Variants in RAPGEF5 observed in about 807,000 individuals in gnomAD.
The protein encoded by RAPGEF5 is M-Ras-regulated GEF.
A neutral mutation model predicts 125.2 loss-of-function variants in RAPGEF5; 65 were observed. The observed-to-expected ratio is 0.52, with a 90% CI of 0.43 to 0.64. The LOEUF is 0.64. Among genes scored for constraint, RAPGEF5 ranks in the 30% least tolerant of loss-of-function variants. RAPGEF5 has a pLI of 0.00. For missense variants in RAPGEF5, 958 were observed against 1,048.1 expected, an observed-to-expected ratio of 0.91 and a Z score of 1.19; for synonymous variants, 391 against 385.9, an observed-to-expected ratio of 1.01 and a Z score of -0.16.
At chr7:22,351,712 T>A (rs1464345386) in intron 1 of RAPGEF5, among the ~76,000 whole-genome samples, 1 of 152,212 alleles carries the variant, frequency 6.6e-6, no homozygotes, top group Admixed American at 6.5e-5. Flanking sequence ...ACACAAAGAA[T>A]AAATGACATG....
chr7:22,203,748 T>G (rs1451463497), intron 9 of RAPGEF5, among the ~76,000 whole-genome samples: 1 of 152,178 alleles, frequency 6.6e-6, no homozygotes, highest in Non-Finnish European at 1.5e-5. Context: ...ACCTGCATGC[T>G]GTGGACCAGG....
In RAPGEF5 at chr7:22,118,617, A is replaced by G. The variant is rs1782473991; in HGVS notation, c.*3789T>C. ...AAAACTACCAAGTGTAGTCCCTGAG[A>G]AGTTAGGTAGACACCCTGATGGCGG... On this transcript the variant is annotated 3_prime_UTR_variant, in exon 26 of 26. Transcript: ENST00000665637. The G allele has an allele frequency of 6.6e-6, 1 of 152,558 alleles. No individual in the cohort carries two copies. Among genetic ancestry groups the G allele is most frequent in the Admixed American group, 6.5e-5 (1 of 15,272 alleles). The allele number at this position is 152,558 out of a possible 1,614,324, so 9.5% of individuals were successfully genotyped here. A position where few individuals can be genotyped will look rare whatever the true frequency, so the allele number is the denominator to read the frequency against.
Position 22,318,000 on chromosome 7 carries a change from T to C in RAPGEF5, c.269A>G (p.His90Arg). 6.5e-7 allele frequency: 1 copy of C among 1,548,330 alleles called. No homozygotes were observed. Among genetic ancestry groups the C allele is most frequent in the Non-Finnish European group, 8.7e-7 (1 of 1,146,420 alleles). Reference protein sequence around the residue: ...SRRISNPYLEHTPSQIYGENS... With the variant: ...SRRISNPYLERTPSQIYGENS... The stretch of plus-strand genomic sequence containing the variant: ...AAGGAATCATACCTGGGAAGGCGTA[T>C]GTTCAAGGTACGGATTAGATATTCT... The change falls in exon 2 of 26, where the codon CAT becomes CGT. Residue 90 changes from histidine to arginine, a missense_variant. Physicochemically the swap from His to Arg is conservative, Grantham distance 29. Transcript: ENST00000665637.
chr7:22,200,883 T>C (rs1785262125), intron 9 of RAPGEF5, among the ~76,000 whole-genome samples: 1 of 152,234 alleles, frequency 6.6e-6, no homozygotes, highest in Non-Finnish European at 1.5e-5. Context: ...TGTAGCATCT[T>C]GAAATATAAA....
At chr7:22,128,706 A>G (rs188755015) in intron 24 of RAPGEF5, among the ~76,000 whole-genome samples, 3 of 152,180 alleles carry the variant, frequency 2.0e-5, no homozygotes, top group African/African-American at 7.2e-5. Context: ...AGGGGTCAGC[A>G]TGAGGCATGC....
intron 24 of RAPGEF5, among the ~76,000 whole-genome samples, chr7:22,129,812 C>G (rs995709576): frequency 6.6e-6 from 1 of 152,118 alleles, no homozygotes; most frequent in Non-Finnish European, 1.5e-5. Flanking sequence ...CAAGATATTC[C>G]AAGACTGTAT....
At chr7:22,256,899 G>C (rs79978247) in intron 7 of RAPGEF5, among the ~76,000 whole-genome samples, 1 of 152,158 alleles carries the variant, frequency 6.6e-6, no homozygotes, top group African/African-American at 2.4e-5. Flanking sequence ...ATCCACTAAG[G>C]TTCGCTCTTA....
intron 6 of RAPGEF5, among the ~76,000 whole-genome samples, chr7:22,274,978 C>T (rs1782523750): frequency 6.6e-6 from 1 of 152,198 alleles, no homozygotes; most frequent in Non-Finnish European, 1.5e-5. Context: ...ATCTCCATTC[C>T]TCCTTCCAAA....
chr7:22,213,443 G>T (rs1785556373), intron 9 of RAPGEF5, among the ~76,000 whole-genome samples: 1 of 152,210 alleles, frequency 6.6e-6, no homozygotes, highest in Non-Finnish European at 1.5e-5. Flanking sequence ...ATTAAATGCT[G>T]TCTTGAATGG....
chr7:22,227,930 A>G (rs1785959769), intron 8 of RAPGEF5, among the ~76,000 whole-genome samples: 1 of 152,234 alleles, frequency 6.6e-6, no homozygotes, highest in African/African-American at 2.4e-5. Flanking sequence ...GTACATTTTG[A>G]CAAAGATTCT....
intron 3 of RAPGEF5, among the ~76,000 whole-genome samples, chr7:22,311,538 A>G (rs1175797677): frequency 6.6e-6 from 1 of 152,200 alleles, no homozygotes; most frequent in Non-Finnish European, 1.5e-5. Flanking sequence ...AAAATAAAGT[A>G]GTAAACTTTT....
intron 23 of RAPGEF5, among the ~76,000 whole-genome samples, chr7:22,135,543 G>A (rs1050909776): frequency 7.9e-5 from 12 of 152,152 alleles, no homozygotes; most frequent in African/African-American, 2.9e-4. Flanking sequence ...TTCCACTCCT[G>A]AAGAAAGGAA....
intron 3 of RAPGEF5, among the ~76,000 whole-genome samples, chr7:22,312,964 G>A (rs549946576): frequency 1.3e-4 from 20 of 152,246 alleles, no homozygotes; most frequent in African/African-American, 4.3e-4. Flanking sequence ...GAGATGGTTG[G>A]AACAGAACAA....
chr7:22,208,742 G>C (rs928202473), intron 9 of RAPGEF5, among the ~76,000 whole-genome samples: 1 of 152,126 alleles, frequency 6.6e-6, no homozygotes, highest in African/African-American at 2.4e-5. Flanking sequence ...TGCTTCTCTA[G>C]TCTGGATTGA....
Position 22,154,544 on chromosome 7 carries a change from C to G in RAPGEF5, c.1697G>C (p.Ser566Thr), listed in dbSNP as rs770490027. Reference protein sequence around the residue: ...SYVSVKAKVSSIAQEILKVVA... With the variant: ...SYVSVKAKVSTIAQEILKVVA... ...GACTTTTAGGATCTCTTGGGCTATA[C>G]TGGAAACTTTTGCCTTCACACTGAC... is the stretch of plus-strand genomic sequence containing the variant. The change falls in exon 17 of 26, where the codon AGT becomes ACT. Residue 566 changes from serine (S) to threonine (T), a missense_variant. Coordinates refer to ENST00000665637, the MANE Select transcript of RAPGEF5 (RefSeq NM_012294.5). 1 of 1,613,784 alleles carries G rather than the reference C, an allele frequency of 6.2e-7. No individual in the cohort carries two copies. Among genetic ancestry groups the G allele is most frequent in the Non-Finnish European group, 8.5e-7 (1 of 1,179,816 alleles).
chr7:22,191,961 T>TA (rs1785010234), intron 11 of RAPGEF5, among the ~76,000 whole-genome samples: 1 of 152,238 alleles, frequency 6.6e-6, no homozygotes, highest in South Asian at 2.1e-4. Context: ...TCAATCTTTC[T>TA]AAACCTCTAC....
At chr7:22,266,386 T>A (rs975121946) in intron 7 of RAPGEF5, among the ~76,000 whole-genome samples, 1 of 152,158 alleles carries the variant, frequency 6.6e-6, no homozygotes, top group Non-Finnish European at 1.5e-5. Flanking sequence ...TTCTAACAGA[T>A]TATGCTTTTT....
At chr7:22,175,516 A>T (rs1784476229) in intron 11 of RAPGEF5, among the ~76,000 whole-genome samples, 1 of 152,252 alleles carries the variant, frequency 6.6e-6, no homozygotes, top group Non-Finnish European at 1.5e-5. Flanking sequence ...ACAGATTAGA[A>T]TGTGGGAATT....
chr7:22,165,096 T>A lies in RAPGEF5; in HGVS notation c.1283+1974A>T, dbSNP rs554159936. ...GAGTGCAAATATACAGAAACAATCA[T>A]AAAGAAAGACTTCTGGCTTAAAATG... is the stretch of plus-strand genomic sequence containing the variant. On this transcript the variant is annotated intron_variant, in intron 12 of 25. Transcript: ENST00000665637. Among the ~76,000 whole-genome samples, 3 of 152,150 alleles carry A rather than the reference T, an allele frequency of 2.0e-5. No individual in the cohort carries two copies. In the East Asian group the frequency reaches 5.8e-4, roughly 29 times the overall value.
Sources: allele counts gnomAD v4.1 joint callset (sites outside exome capture counted in the v4.1 genomes callset), GRCh38; gene constraint gnomAD v4.1.1; transcripts MANE v1.5; gene names NCBI Gene and HGNC (gene_info 2026-07-23, HGNC 2026-07-21).